MARCHF1: variants seen among roughly 807,000 people sequenced by gnomAD.
MARCHF1 encodes membrane associated ring-CH-type finger 1.
A neutral mutation model predicts 54.2 loss-of-function variants in MARCHF1; 40 were observed. That is an observed-to-expected ratio of 0.74 (90% CI 0.57 to 0.96). The LOEUF is 0.96. MARCHF1 is among the 40% of genes least tolerant of loss of function. The probability of loss-of-function intolerance (pLI) is 0.00; values close to 1 mark genes in which losing one functional copy is unlikely to be tolerated. For synonymous variants in MARCHF1, 236 were observed against 236.3 expected (o/e 1.00, Z 0.01); for missense variants, 586 against 656.5 (o/e 0.89, Z 1.17).
chr4:163,816,477 A>G (rs556735277), intron 4 of MARCHF1, among the ~76,000 whole-genome samples: 56 of 152,000 alleles, frequency 3.7e-4, no homozygotes, highest in South Asian at 1.2e-3. Context: ...CTAACAAAAC[A>G]TCTTTAATGA....
intron 3 of MARCHF1, among the ~76,000 whole-genome samples, chr4:163,879,018 A>C (rs959238208): frequency 3.3e-5 from 5 of 152,202 alleles, no homozygotes; most frequent in African/African-American, 1.2e-4. Context: ...CAGCTCCCAC[A>C]GCAAAACAAT....
At chr4:163,715,396 C>A (rs2111267565) in intron 4 of MARCHF1, among the ~76,000 whole-genome samples, 1 of 152,270 alleles carries the variant, frequency 6.6e-6, no homozygotes, top group East Asian at 1.9e-4. Flanking sequence ...CAGGCGCCCG[C>A]CACCAGATGA....
At chr4:163,943,029 C>A (rs2110756864) in intron 3 of MARCHF1, among the ~76,000 whole-genome samples, 1 of 151,786 alleles carries the variant, frequency 6.6e-6, no homozygotes, top group South Asian at 2.1e-4. Flanking sequence ...TATCTTTGCC[C>A]ACTTTTTAAT....
rs72687943 is a variant in MARCHF1 at position 163,970,841 on chromosome 4, C to T, written c.-39+17660G>A. 9.5e-3 allele frequency among the ~76,000 whole-genome samples: 1,446 copies of T among 152,162 alleles called. 8 individuals are homozygous for T. Among genetic ancestry groups the T allele is most frequent in the Non-Finnish European group, 0.015 (1,021 of 67,998 alleles). On this transcript the variant is annotated intron_variant, in intron 3 of 9. Transcript: ENST00000514618. ...CTCTAAGACATACCAATATATGCTC[C>T]AAAAACAGATTTTTATGAAAATAAA...
chr4:163,746,055 G>A (rs1187646907), intron 4 of MARCHF1, among the ~76,000 whole-genome samples: 2 of 152,044 alleles, frequency 1.3e-5, no homozygotes, highest in Admixed American at 1.3e-4. Flanking sequence ...TTTATTCTTG[G>A]TGTTGTTCAT....
intron 4 of MARCHF1, among the ~76,000 whole-genome samples, chr4:163,803,188 T>C (rs1748130004): frequency 6.6e-6 from 1 of 152,194 alleles, no homozygotes; most frequent in African/African-American, 2.4e-5. Flanking sequence ...TAATTGTTTT[T>C]TTGAGATAGA....
At chr4:163,950,427 T>G (rs1752111890) in intron 3 of MARCHF1, among the ~76,000 whole-genome samples, 1 of 152,132 alleles carries the variant, frequency 6.6e-6, no homozygotes, top group African/African-American at 2.4e-5. Flanking sequence ...GCACCCAGAA[T>G]GGGGAGAGGC....
intron 1 of MARCHF1, among the ~76,000 whole-genome samples, chr4:164,343,526 T>G (rs1187111773): frequency 1.3e-5 from 2 of 151,966 alleles, no homozygotes; most frequent in East Asian, 3.9e-4. Context: ...AAGCAAAAAA[T>G]TAATAACTCC....
chr4:163,790,129 G>T (rs896153373), intron 4 of MARCHF1, among the ~76,000 whole-genome samples: 1 of 151,970 alleles, frequency 6.6e-6, no homozygotes, highest in African/African-American at 2.4e-5. Flanking sequence ...ACCAAGGGAC[G>T]GTTGCAAGTG....
At chr4:163,792,567 A>G (rs1747800343) in intron 4 of MARCHF1, among the ~76,000 whole-genome samples, 1 of 152,168 alleles carries the variant, frequency 6.6e-6, no homozygotes, top group African/African-American at 2.4e-5. Flanking sequence ...CATCATATGT[A>G]CAGCTAAATC....
At chr4:163,757,010 T>C (rs1159128405) in intron 4 of MARCHF1, among the ~76,000 whole-genome samples, 1 of 152,230 alleles carries the variant, frequency 6.6e-6, no homozygotes, top group Non-Finnish European at 1.5e-5. Flanking sequence ...ATCTTTGTTG[T>C]ATTGAAGACT....
chr4:164,244,327 G>A (rs1390890539), intron 1 of MARCHF1, among the ~76,000 whole-genome samples: 1 of 152,042 alleles, frequency 6.6e-6, no homozygotes, highest in Non-Finnish European at 1.5e-5. Context: ...GCAACTACAT[G>A]GAAACTGAAC....
At chr4:164,068,374 C>T (rs1754776986) in intron 2 of MARCHF1, among the ~76,000 whole-genome samples, 1 of 152,164 alleles carries the variant, frequency 6.6e-6, no homozygotes, top group East Asian at 1.9e-4. Context: ...CCGCCTCCCT[C>T]AGCTTGCGGG....
At position 164,363,766 on chromosome 4, in the gene MARCHF1, C is replaced by CATGTGTGTGTGTGTGTGTGT. The variant is rs1554004696; in HGVS notation, c.-323+20103_-323+20104insACACACACACACACACACAT. 3.4e-3 allele frequency among the ~76,000 whole-genome samples: 518 copies of CATGTGTGTGTGTGTGTGTGT among 150,198 alleles called. 1 individual carries two copies. Among genetic ancestry groups the CATGTGTGTGTGTGTGTGTGT allele is most frequent in the Non-Finnish European group, 5.7e-3 (381 of 67,404 alleles). Reference sequence around the variant, plus strand: ...ATTTAACATTACATTATTAATAAGCCGTGTGTGTGTGTGTGTGTCTGTGTT... The same window carrying CATGTGTGTGTGTGTGTGTGT: ...ATTTAACATTACATTATTAATAAGCCATGTGTGTGTGTGTGTGTGTGTGTGTGTGTGTGTGTGTCTGTGTT... On this transcript the variant is annotated intron_variant, in intron 1 of 9. Transcript: ENST00000514618.
intron 2 of MARCHF1, among the ~76,000 whole-genome samples, chr4:164,017,122 C>T (rs1753560061): frequency 6.6e-6 from 1 of 151,780 alleles, no homozygotes; most frequent in South Asian, 2.1e-4. Flanking sequence ...TAATGTATTC[C>T]TTTATACTAA....
intron 3 of MARCHF1, among the ~76,000 whole-genome samples, chr4:163,950,810 C>T (rs769622882): frequency 1.1e-4 from 17 of 152,254 alleles, no homozygotes; most frequent in African/African-American, 2.4e-4. Context: ...GTATTGAGTA[C>T]GTAAATTTAT....
At position 163,918,175 on chromosome 4, in the gene MARCHF1, G is replaced by C. The variant is rs191197336; in HGVS notation, c.-38-64006C>G. 5.7e-3 allele frequency among the ~76,000 whole-genome samples: 863 copies of C among 152,184 alleles called. 5 individuals are homozygous for C. Among genetic ancestry groups the C allele is most frequent in the Non-Finnish European group, 9.3e-3 (634 of 67,984 alleles). ...AATCCTTTCACCATTGCTTGTTTTTGTTAGGCTTGTGAAGATCACATGGTT... is the reference window on the plus strand; with the variant it reads ...AATCCTTTCACCATTGCTTGTTTTTCTTAGGCTTGTGAAGATCACATGGTT... On this transcript the variant is annotated intron_variant, in intron 3 of 9. Transcript: ENST00000514618.
intron 5 of MARCHF1, among the ~76,000 whole-genome samples, chr4:163,626,592 G>A (rs545532644): frequency 6.6e-6 from 1 of 152,266 alleles, no homozygotes; most frequent in South Asian, 2.1e-4. Flanking sequence ...GATAGTTCAT[G>A]AGTAACAGGT....
At chr4:163,732,251 T>C (rs1037152704) in intron 4 of MARCHF1, among the ~76,000 whole-genome samples, 63 of 151,898 alleles carry the variant, frequency 4.1e-4, no homozygotes, top group African/African-American at 1.4e-3. Context: ...AAATCTACAA[T>C]GTATAAGGTT....
Sources: gnomAD v4.1 joint callset for allele counts (sites outside exome capture counted in the v4.1 genomes callset) on GRCh38, gnomAD v4.1.1 for gene constraint, MANE v1.5 for transcripts, NCBI Gene and HGNC (gene_info 2026-07-23, HGNC 2026-07-21) for gene names.